C3orf70: variants seen among roughly 807,000 people sequenced by gnomAD.
C3orf70 encodes chromosome 3 open reading frame 70, also known as UPF0524 protein C3orf70.
In C3orf70, 15 loss-of-function variants were observed where a neutral mutation model predicts 20.7. The observed-to-expected ratio is 0.72, with a 90% CI of 0.48 to 1.11. C3orf70 has a LOEUF of 1.11. C3orf70 is among the 50% of genes most tolerant of loss of function. The pLI is 0.00. For synonymous variants in C3orf70, 161 were observed against 125.7 expected, an observed-to-expected ratio of 1.28 and a Z score of -1.88; for missense variants, 332 against 317.6, an observed-to-expected ratio of 1.05 and a Z score of -0.34.
In C3orf70 at chr3:185,082,659, C is replaced by T. The variant is rs997965444; in HGVS notation, c.*348G>A. The stretch of plus-strand genomic sequence containing the variant: ...GAAGGACTGGCTACCGAGAAAACAC[C>T]GGCTCCTTCCCTTTCGGTACCTCCT... On this transcript the variant is annotated 3_prime_UTR_variant, in exon 2 of 2. Coordinates refer to ENST00000335012, the MANE Select transcript of C3orf70 (RefSeq NM_001025266.3). The T allele has an allele frequency of 3.8e-5, 9 of 235,464 alleles. No homozygotes were observed. Among genetic ancestry groups the T allele is most frequent in the Non-Finnish European group, 5.8e-5 (7 of 120,776 alleles). The allele number at this position is 235,464 out of a possible 1,614,324, so 14.6% of individuals were successfully genotyped here.
rs1277029496 is a variant in C3orf70, at chr3:185,078,235, T to C, written c.*4772A>G. On this transcript the variant is annotated 3_prime_UTR_variant, in exon 2 of 2. Coordinates refer to ENST00000335012, the MANE Select transcript of C3orf70 (RefSeq NM_001025266.3). ...TTAAAAATAGCAGAGTAAGTGAATA[T>C]TGCCAGGTATGAACAGCCTTAAAAA... 6.6e-6 allele frequency: 1 copy of C among 152,620 alleles called. No individual in the cohort carries two copies. The highest frequency in any genetic ancestry group is 1.5e-5 in the Non-Finnish European group (1 of 68,038). 9.5% of individuals were successfully genotyped at this position (152,620 alleles called of 1,614,324 possible).
chr3:185,137,314 G>A (rs552394285), intron 1 of C3orf70, among the ~76,000 whole-genome samples: 80 of 152,238 alleles, frequency 5.3e-4, no homozygotes, highest in African/African-American at 1.9e-3. Context: ...TTTGTAAATT[G>A]CCCAGTCTCA....
intron 1 of C3orf70, among the ~76,000 whole-genome samples, chr3:185,116,312 G>A (rs1716171981): frequency 6.6e-6 from 1 of 152,186 alleles, no homozygotes; most frequent in South Asian, 2.1e-4. Context: ...AAGATGATGT[G>A]TTTAACGTCA....
intron 1 of C3orf70, among the ~76,000 whole-genome samples, chr3:185,096,611 T>C (rs1715714120): frequency 6.6e-6 from 1 of 152,204 alleles, no homozygotes; most frequent in Non-Finnish European, 1.5e-5. Context: ...CGGAGGACTC[T>C]GCAGGAGGAA....
chr3:185,082,850 A>G lies in C3orf70; in HGVS notation c.*157T>C. On this transcript the variant is annotated 3_prime_UTR_variant, in exon 2 of 2. Coordinates refer to ENST00000335012, the MANE Select transcript of C3orf70 (RefSeq NM_001025266.3). ...AAAGAATGTCTTAGTTGTAAGACGGAGAGAAGCTAATCAGCATACCACTGA... is the reference window on the plus strand; with the variant it reads ...AAAGAATGTCTTAGTTGTAAGACGGGGAGAAGCTAATCAGCATACCACTGA... The G allele has an allele frequency of 2.9e-6, 2 of 681,246 alleles. No individual in the cohort carries two copies. The highest frequency in any genetic ancestry group is 5.1e-6 in the Non-Finnish European group (2 of 391,634). 42.2% of individuals were successfully genotyped at this position (681,246 alleles called of 1,614,324 possible). A position where few individuals can be genotyped will look rare whatever the true frequency, so the allele number is the denominator to read the frequency against.
intron 1 of C3orf70, among the ~76,000 whole-genome samples, chr3:185,136,909 AAACAACAACAACAAC>A (rs146226983): frequency 0.43 from 64,260 of 149,760 alleles, 15,244 homozygotes; most frequent in Non-Finnish European, 0.56. Context: ...GACTGTCTCA[AAACAACAACAACAAC>A]AACAACAACA....
intron 1 of C3orf70, among the ~76,000 whole-genome samples, chr3:185,120,452 T>G (rs1471016420): frequency 6.6e-6 from 1 of 150,552 alleles, no homozygotes; most frequent in Non-Finnish European, 1.5e-5. Context: ...ACCTACAGAG[T>G]TGGAGGAAAT....
At chr3:185,127,835 C>T (rs1311452196) in intron 1 of C3orf70, among the ~76,000 whole-genome samples, 2 of 152,106 alleles carry the variant, frequency 1.3e-5, no homozygotes, top group Non-Finnish European at 2.9e-5. Flanking sequence ...GATACAACAG[C>T]TTTAAAAAAT....
intron 1 of C3orf70, among the ~76,000 whole-genome samples, chr3:185,139,160 G>A (rs1001916450): frequency 2.0e-5 from 3 of 151,236 alleles, no homozygotes; most frequent in South Asian, 2.1e-4. Flanking sequence ...GAGGAGGAAG[G>A]AGGAGCAGAA....
intron 1 of C3orf70, among the ~76,000 whole-genome samples, chr3:185,100,801 T>G (rs1715806079): frequency 6.6e-6 from 1 of 151,082 alleles, no homozygotes; most frequent in African/African-American, 2.4e-5. Flanking sequence ...CTACCTAGAC[T>G]AATAAAGAAG....
intron 1 of C3orf70, among the ~76,000 whole-genome samples, chr3:185,090,844 G>A (rs982282474): frequency 2.0e-5 from 3 of 152,148 alleles, no homozygotes; most frequent in Non-Finnish European, 2.9e-5. Flanking sequence ...CTGTGAGGAC[G>A]CTAAAGTTTG....
At chr3:185,115,919 C>T (rs9829656) in intron 1 of C3orf70, among the ~76,000 whole-genome samples, 7,912 of 152,234 alleles carry the variant, frequency 0.052, 671 homozygotes, top group African/African-American at 0.18. Flanking sequence ...GAACTATTAC[C>T]TCCCAAAGGT....
intron 1 of C3orf70, 58 bp from the exon 2 acceptor site, chr3:185,083,621 C>A: frequency 7.0e-7 from 1 of 1,423,928 alleles, no homozygotes; most frequent in South Asian, 1.5e-5. Context: ...ATTAACATGG[C>A]CATAATGGTT....
At position 185,083,460 on chromosome 3, in the gene C3orf70, C is replaced by T. The variant is rs142104408; in HGVS notation, c.300G>A (p.Ser100=). The change falls in exon 2 of 2, where the codon TCG becomes TCA. Residue 100 remains serine, a synonymous_variant. Transcript: ENST00000335012. ...EPTNTIQISV[S]LTEHFLKFAS... ...CAAATTTCAAAAAGTGTTCGGTGAG[C>T]GAGACTGAGATCTGAATGGTGTTTG... The T allele has an allele frequency of 1.4e-5, 22 of 1,613,918 alleles. No homozygotes were observed. Among genetic ancestry groups the T allele is most frequent in the Middle Eastern group, 1.6e-4 (1 of 6,084 alleles).
At chr3:185,083,750 T>A (rs1359059593) in intron 1 of C3orf70, among the ~76,000 whole-genome samples, 187 bp from the exon 2 acceptor site, 1 of 152,242 alleles carries the variant, frequency 6.6e-6, no homozygotes, top group East Asian at 1.9e-4. Context: ...ATAATTTTCA[T>A]CTAAAAGACT....
intron 1 of C3orf70, among the ~76,000 whole-genome samples, chr3:185,090,051 G>C (rs1046773813): frequency 1.5e-4 from 23 of 152,064 alleles, no homozygotes; most frequent in African/African-American, 5.1e-4. Flanking sequence ...AACAAGATAG[G>C]AGTCAATTCT....
At chr3:185,135,800 T>A (rs1006175728) in intron 1 of C3orf70, among the ~76,000 whole-genome samples, 1 of 151,774 alleles carries the variant, frequency 6.6e-6, no homozygotes. Flanking sequence ...TTAAATCGAA[T>A]TTTTAAAGAG....
Position 185,077,605 on chromosome 3 carries a change from G to C in C3orf70, c.*5402C>G, listed in dbSNP as rs960597978. Among the ~76,000 whole-genome samples the C allele has an allele frequency of 6.6e-6, 1 of 152,062 alleles. No individual in the cohort carries two copies. The highest frequency in any genetic ancestry group is 1.9e-4 in the East Asian group (1 of 5,188). ...GCTGTTCTTTTCTGAGTATGGACTT[G>C]CCGCGCTGAGGCCTGGCCCCTGAGT... On this transcript the variant is annotated 3_prime_UTR_variant, in exon 2 of 2. Transcript: ENST00000335012.
chr3:185,077,663 C>T lies in C3orf70; in HGVS notation c.*5344G>A, dbSNP rs1340886363. Among the ~76,000 whole-genome samples the T allele has an allele frequency of 6.6e-6, 1 of 152,006 alleles. No individual in the cohort carries two copies. Among genetic ancestry groups the T allele is most frequent in the Non-Finnish European group, 1.5e-5 (1 of 68,010 alleles). ...ACCAAGCGACCCCCCCAAGCTCTGC[C>T]GGGCAGCAGCCTCCCTCGATGCCTG... On this transcript the variant is annotated 3_prime_UTR_variant, in exon 2 of 2. Transcript: ENST00000335012.
Sources: allele counts gnomAD v4.1 joint callset (sites outside exome capture counted in the v4.1 genomes callset), GRCh38; gene constraint gnomAD v4.1.1; transcripts MANE v1.5; gene names NCBI Gene and HGNC (gene_info 2026-07-23, HGNC 2026-07-21).